SLC35B4: variants seen among roughly 807,000 people sequenced by gnomAD.
The protein encoded by SLC35B4 is solute carrier family 35 member B4.
A neutral mutation model predicts 39.5 loss-of-function variants in SLC35B4; 28 were observed. That is an observed-to-expected ratio of 0.71 (90% CI 0.53 to 0.97). The LOEUF is 0.97. Ranked by LOEUF, SLC35B4 falls within the 50% of genes least tolerant of loss-of-function variation. SLC35B4 has a pLI of 0.00. For missense variants in SLC35B4, 334 were observed against 414.3 expected, an observed-to-expected ratio of 0.81 and a Z score of 1.68; for synonymous variants, 145 against 150.4, an observed-to-expected ratio of 0.96 and a Z score of 0.26.
intron 1 of SLC35B4, among the ~76,000 whole-genome samples, chr7:134,314,728 G>A (rs1354683709): frequency 6.6e-6 from 1 of 152,036 alleles, no homozygotes; most frequent in Non-Finnish European, 1.5e-5. Flanking sequence ...TAGAGACGGG[G>A]TCTTACCATA....
At chr7:134,296,570 T>C (rs1444948328) in intron 8 of SLC35B4, 104 bp from the exon 9 acceptor site, 12 of 740,636 alleles carry the variant, frequency 1.6e-5, no homozygotes, top group Non-Finnish European at 2.3e-5. Flanking sequence ...AACAGCAACA[T>C]TGTCTTCCTT....
At chr7:134,317,802 G>A (rs892555021), upstream of SLC35B4, among the ~76,000 whole-genome samples, 4 of 148,530 alleles carry the variant, frequency 2.7e-5, no homozygotes, top group Non-Finnish European at 5.9e-5. Context: ...AAGCTAGTGC[G>A]GCACTATTCT....
chr7:134,316,983 G>A, upstream of SLC35B4: 5 of 555,466 alleles, frequency 9.0e-6, no homozygotes, highest in Admixed American at 1.6e-4. Flanking sequence ...GGGCGTCCGA[G>A]CCCCGGCCAG....
chr7:134,300,562 T>C (rs966379812), intron 6 of SLC35B4, among the ~76,000 whole-genome samples: 2 of 152,180 alleles, frequency 1.3e-5, no homozygotes, highest in African/African-American at 4.8e-5. Context: ...AAATCAGTCA[T>C]TAAAATTTTT....
rs112751994 is a variant in SLC35B4, at chr7:134,303,973, C to T, written c.344+832G>A. 5.2e-3 allele frequency among the ~76,000 whole-genome samples: 794 copies of T among 152,278 alleles called. 10 individuals carry two copies. Among genetic ancestry groups the T allele is most frequent in the African/African-American group, 0.018 (733 of 41,552 alleles). Reference sequence around the variant, plus strand: ...AAGAACAGTCCTGAACCTTTCATTCCATCTTCTTGGCTATTTGGGCCTTTT... The same window carrying T: ...AAGAACAGTCCTGAACCTTTCATTCTATCTTCTTGGCTATTTGGGCCTTTT... On this transcript the variant is annotated intron_variant, in intron 4 of 9. Coordinates refer to ENST00000378509, the MANE Select transcript of SLC35B4 (RefSeq NM_032826.5).
intron 2 of SLC35B4, among the ~76,000 whole-genome samples, chr7:134,307,720 G>A (rs1042034098): frequency 1.1e-4 from 16 of 152,326 alleles, no homozygotes; most frequent in African/African-American, 2.6e-4. Context: ...TGACAGCACT[G>A]AGTCCTAAGT....
At chr7:134,305,693 G>A (rs1016618854) in intron 3 of SLC35B4, among the ~76,000 whole-genome samples, 4 of 152,032 alleles carry the variant, frequency 2.6e-5, no homozygotes, top group African/African-American at 4.8e-5. Flanking sequence ...TCCCTCAGAC[G>A]GAGTTTTGCT....
At position 134,295,066 on chromosome 7, in the gene SLC35B4, G is replaced by A. The variant is rs200347962; in HGVS notation, c.763C>T (p.Arg255Trp). The change falls in exon 10 of 10, where the codon CGG becomes TGG. Residue 255 changes from arginine to tryptophan, a missense_variant. By Grantham distance (101) the Arg-to-Trp change is moderately radical. Coordinates refer to ENST00000378509, the MANE Select transcript of SLC35B4 (RefSeq NM_032826.5). Reference protein sequence around the residue: ...MNIITQYVCIRGVFILTTECA... With the variant: ...MNIITQYVCIWGVFILTTECA... ...TCTGTGGTGAGGATAAACACACCCC[G>A]GATGCACACGTACCTGGAGGAGTGG... 2.3e-5 allele frequency: 37 copies of A among 1,614,012 alleles called. No homozygotes were observed. Among genetic ancestry groups the A allele is most frequent in the Middle Eastern group, 1.7e-4 (1 of 6,038 alleles).
chr7:134,301,582 C>A (rs763706059), intron 6 of SLC35B4, among the ~76,000 whole-genome samples, 179 bp downstream of exon 6: 4 of 152,120 alleles, frequency 2.6e-5, no homozygotes, highest in East Asian at 3.8e-4. Context: ...AATGTGGGGG[C>A]ATTTTCTTTT....
At chr7:134,304,059 C>G (rs1474017126) in intron 4 of SLC35B4, among the ~76,000 whole-genome samples, 1 of 152,160 alleles carries the variant, frequency 6.6e-6, no homozygotes, top group Non-Finnish European at 1.5e-5. Context: ...TACTGATAAG[C>G]ATCTTCTAGG....
At chr7:134,299,359 A>G (rs1803529786) in intron 8 of SLC35B4, 164 bp downstream of exon 8, 1 of 513,848 alleles carries the variant, frequency 1.9e-6, no homozygotes, top group Non-Finnish European at 3.4e-6. Context: ...ACCCCTGTAA[A>G]AGCTTTTGCT....
intron 4 of SLC35B4, among the ~76,000 whole-genome samples, chr7:134,304,218 A>G (rs867422159): frequency 6.6e-6 from 1 of 152,098 alleles, no homozygotes; most frequent in African/African-American, 2.4e-5. Context: ...GCGAAACCCA[A>G]TCTCTACCAA....
chr7:134,317,950 A>C (rs2117332289), upstream of SLC35B4, among the ~76,000 whole-genome samples: 1 of 152,332 alleles, frequency 6.6e-6, no homozygotes, highest in East Asian at 1.9e-4. Context: ...TACCACATCA[A>C]ATATTTCCGT....
intron 8 of SLC35B4, among the ~76,000 whole-genome samples, chr7:134,297,951 G>C (rs972317338): frequency 1.1e-4 from 17 of 152,172 alleles, no homozygotes; most frequent in African/African-American, 4.1e-4. Context: ...CAGTAAATTT[G>C]TGGGAGGAAA....
Position 134,291,672 on chromosome 7 carries a change from C to A in SLC35B4, c.*3161G>T, listed in dbSNP as rs928759600. On this transcript the variant is annotated 3_prime_UTR_variant, in exon 10 of 10. Transcript: ENST00000378509. Reference sequence around the variant, plus strand: ...TACTGCAGCGTTTCACTGTGGTTAACAGGATGGAAAGGAGGAAAAAACTAA... The same window carrying A: ...TACTGCAGCGTTTCACTGTGGTTAAAAGGATGGAAAGGAGGAAAAAACTAA... 6 of 152,052 alleles carry A rather than the reference C, an allele frequency of 3.9e-5. No individual in the cohort carries two copies. Among genetic ancestry groups the A allele is most frequent in the African/African-American group, 1.5e-4 (6 of 41,358 alleles). 9.4% of individuals were successfully genotyped at this position (152,052 alleles called of 1,614,324 possible).
rs972273067 is a variant in SLC35B4, at chr7:134,289,693, C to T, written c.*5140G>A. ...AACTGGCACAGAAATGACTGGCAAT[C>T]GCAAGTGATACACAAAGGCATTTTT... On this transcript the variant is annotated 3_prime_UTR_variant, in exon 10 of 10. Coordinates refer to ENST00000378509, the MANE Select transcript of SLC35B4 (RefSeq NM_032826.5). 32 of 152,426 alleles carry T rather than the reference C, an allele frequency of 2.1e-4. No individual in the cohort carries two copies. The highest frequency in any genetic ancestry group is 5.8e-4 in the African/African-American group (24 of 41,424). The allele number at this position is 152,426 out of a possible 1,614,324, so 9.4% of individuals were successfully genotyped here. A position where few individuals can be genotyped will look rare whatever the true frequency, so the allele number is the denominator to read the frequency against.
chr7:134,316,911 C>T lies in SLC35B4; in HGVS notation c.-160G>A. 3.1e-6 allele frequency: 2 copies of T among 643,770 alleles called. No individual in the cohort carries two copies. Among genetic ancestry groups the T allele is most frequent in the Non-Finnish European group, 5.3e-6 (2 of 376,584 alleles). 39.9% of individuals were successfully genotyped at this position (643,770 alleles called of 1,614,324 possible). On this transcript the variant is annotated 5_prime_UTR_variant, in exon 1 of 10. Transcript: ENST00000378509. ...GCCGCGGTCTCCCCTTCTCCCGCGG[C>T]CAACACCGACGCTGCCAAGAAGCTG...
chr7:134,316,138 A>C (rs1161974143), intron 1 of SLC35B4, among the ~76,000 whole-genome samples: 1 of 152,208 alleles, frequency 6.6e-6, no homozygotes, highest in African/African-American at 2.4e-5. Context: ...AATAAAGCAA[A>C]TGCTTTGCAG....
intron 1 of SLC35B4, among the ~76,000 whole-genome samples, chr7:134,310,771 C>A (rs919422650): frequency 6.6e-6 from 1 of 152,000 alleles, no homozygotes; most frequent in Non-Finnish European, 1.5e-5. Context: ...ATGGTCTCCA[C>A]CTCCTGACCT....
Sources: allele counts gnomAD v4.1 joint callset (sites outside exome capture counted in the v4.1 genomes callset), GRCh38; gene constraint gnomAD v4.1.1; transcripts MANE v1.5; gene names NCBI Gene and HGNC (gene_info 2026-07-23, HGNC 2026-07-21).